Variants in PRND observed in about 807,000 individuals in gnomAD.
The protein encoded by PRND is prion like protein doppel.
For missense variants in PRND, 227 were observed against 223.3 expected, an observed-to-expected ratio of 1.02 and a Z score of -0.11; for synonymous variants, 94 against 93.2, an observed-to-expected ratio of 1.01 and a Z score of -0.05.
Position 4,724,483 on chromosome 20 carries a change from G to C in PRND, c.-11-58G>C. 6.3e-7 allele frequency: 1 copy of C among 1,597,436 alleles called. No homozygotes were observed. The highest frequency in any genetic ancestry group is 8.6e-7 in the Non-Finnish European group (1 of 1,166,608). On this transcript the variant is annotated intron_variant, in intron 1 of 1. Coordinates refer to ENST00000305817, the MANE Select transcript of PRND (RefSeq NM_012409.4). The surrounding 1 kb of genome is among the most constrained non-coding windows in gnomAD (Gnocchi z 4.8). ...TTAAAATCTCCTGCACTTGGGAGGG[G>C]GCAGGGGAGCCCAGGCAGGCCTGGT...
rs1004540729 is a variant in PRND, at chr20:4,726,447, G to A, written c.*1365G>A. ...TTTAAAAAATAAAGCTGTGTCTTTAGGGAGACCCAATAAAGAATGCAATCC... is the reference window on the plus strand; with the variant it reads ...TTTAAAAAATAAAGCTGTGTCTTTAAGGAGACCCAATAAAGAATGCAATCC... On this transcript the variant is annotated 3_prime_UTR_variant, in exon 2 of 2. Transcript: ENST00000305817. 1.2e-5 allele frequency: 2 copies of A among 166,982 alleles called. No homozygotes were observed. The highest frequency in any genetic ancestry group is 4.8e-5 in the African/African-American group (2 of 41,404). The allele number at this position is 166,982 out of a possible 1,614,324, so 10.3% of individuals were successfully genotyped here.
chr20:4,722,540 C>T (rs1456543295), intron 1 of PRND, among the ~76,000 whole-genome samples: 1 of 151,626 alleles, frequency 6.6e-6, no homozygotes, highest in Non-Finnish European at 1.5e-5. Context: ...CTAGAGATGA[C>T]TGGATGTGCT....
rs1008394250 is a variant in PRND, at chr20:4,721,974, G to A, written c.-12+5G>A. 7 of 152,298 alleles carry A rather than the reference G, an allele frequency of 4.6e-5. No homozygotes were observed. Among genetic ancestry groups the A allele is most frequent in the African/African-American group, 9.6e-5 (4 of 41,474 alleles). 9.4% of individuals were successfully genotyped at this position (152,298 alleles called of 1,614,324 possible). ...CACACTCCAGAGAGAGCCAAGGTACGTGGGGGGCCACTTCTGTGGTCAGGA... is the reference window on the plus strand; with the variant it reads ...CACACTCCAGAGAGAGCCAAGGTACATGGGGGGCCACTTCTGTGGTCAGGA... On this transcript the variant is annotated splice_donor_5th_base_variant and intron_variant, in intron 1 of 1. Coordinates refer to ENST00000305817, the MANE Select transcript of PRND (RefSeq NM_012409.4).
intron 1 of PRND, 68 bp downstream of exon 1, chr20:4,722,037 A>G (rs550111720): frequency 6.6e-6 from 1 of 152,320 alleles, no homozygotes; most frequent in East Asian, 1.9e-4. Context: ...CCAGATTGAA[A>G]ATCATGCAAT....
rs6076723 is a variant in PRND, at chr20:4,722,923, T to A, written c.-12+954T>A. On this transcript the variant is annotated intron_variant, in intron 1 of 1. Transcript: ENST00000305817. ...CCGAATGTGACAGGCAACCTTAAGGTGTGGGGTGAGGGGCTTTTCCATGAC... is the reference window on the plus strand; with the variant it reads ...CCGAATGTGACAGGCAACCTTAAGGAGTGGGGTGAGGGGCTTTTCCATGAC... Among the ~76,000 whole-genome samples the A allele has an allele frequency of 5.7e-3, 868 of 151,394 alleles. 6 individuals are homozygous for A. Among genetic ancestry groups the A allele is most frequent in the African/African-American group, 0.016 (649 of 41,322 alleles).
rs1361287877 is a variant in PRND at position 4,724,086 on chromosome 20, G to A, written c.-11-455G>A. ...TATACGTGTATATATACATATATAT[G>A]TGTATATATATACGTGTATACACAC... is the stretch of plus-strand genomic sequence containing the variant. On this transcript the variant is annotated intron_variant, in intron 1 of 1. Coordinates refer to ENST00000305817, the MANE Select transcript of PRND (RefSeq NM_012409.4). This position sits in a 1 kb window ranked among gnomAD's most constrained non-coding sequence, Gnocchi z 4.8. Among the ~76,000 whole-genome samples, 1 of 148,854 alleles carries A rather than the reference G, an allele frequency of 6.7e-6. No homozygotes were observed. The highest frequency in any genetic ancestry group is 1.5e-5 in the Non-Finnish European group (1 of 67,494).
chr20:4,724,452 C>A lies in PRND; in HGVS notation c.-11-89C>A. The A allele has an allele frequency of 1.3e-6, 2 of 1,502,314 alleles. No homozygotes were observed. The highest frequency in any genetic ancestry group is 9.2e-7 in the Non-Finnish European group (1 of 1,082,910). 93.1% of individuals were successfully genotyped at this position (1,502,314 alleles called of 1,614,324 possible). On this transcript the variant is annotated intron_variant, in intron 1 of 1. Coordinates refer to ENST00000305817, the MANE Select transcript of PRND (RefSeq NM_012409.4). This position sits in a 1 kb window ranked among gnomAD's most constrained non-coding sequence, Gnocchi z 4.8. ...ACATAAATAGCACAAGGATGCGATT[C>A]CTTCCTTAAAATCTCCTGCACTTGG... is the stretch of plus-strand genomic sequence containing the variant.
At chr20:4,723,009 C>T (rs1047162954) in intron 1 of PRND, among the ~76,000 whole-genome samples, 1 of 152,164 alleles carries the variant, frequency 6.6e-6, no homozygotes, top group Admixed American at 6.5e-5. Flanking sequence ...CCTGGTGTTC[C>T]CCCAGGCCCT....
At chr20:4,723,513 T>G (rs1215661851) in intron 1 of PRND, among the ~76,000 whole-genome samples, 9 of 152,180 alleles carry the variant, frequency 5.9e-5, no homozygotes, top group African/African-American at 1.4e-4. Flanking sequence ...GTTTCCATCT[T>G]TCCCTTCCTT....
chr20:4,724,477 G>A lies in PRND; in HGVS notation c.-11-64G>A. 1 of 1,582,316 alleles carries A rather than the reference G, an allele frequency of 6.3e-7. No homozygotes were observed. The highest frequency in any genetic ancestry group is 8.7e-7 in the Non-Finnish European group (1 of 1,153,076). On this transcript the variant is annotated intron_variant, in intron 1 of 1. Transcript: ENST00000305817. The surrounding 1 kb of genome is among the most constrained non-coding windows in gnomAD (Gnocchi z 4.8). Reference sequence around the variant, plus strand: ...CCTTCCTTAAAATCTCCTGCACTTGGGAGGGGGCAGGGGAGCCCAGGCAGG... The same window carrying A: ...CCTTCCTTAAAATCTCCTGCACTTGAGAGGGGGCAGGGGAGCCCAGGCAGG...
rs1209327293 is a variant in PRND at position 4,727,549 on chromosome 20, G to A, written c.*2467G>A. ...CCGTTGCTTTCGTAGCCCCTGCTAA[G>A]TGTTGACTTTTTAAAATATAAGTTT... On this transcript the variant is annotated 3_prime_UTR_variant, in exon 2 of 2. Coordinates refer to ENST00000305817, the MANE Select transcript of PRND (RefSeq NM_012409.4). 1.8e-5 allele frequency: 3 copies of A among 167,080 alleles called. No individual in the cohort carries two copies. Among genetic ancestry groups the A allele is most frequent in the Admixed American group, 1.3e-4 (2 of 15,282 alleles). 10.3% of individuals were successfully genotyped at this position (167,080 alleles called of 1,614,324 possible). A position where few individuals can be genotyped will look rare whatever the true frequency, so the allele number is the denominator to read the frequency against.
At chr20:4,722,705 T>C (rs925085277) in intron 1 of PRND, among the ~76,000 whole-genome samples, 1 of 152,116 alleles carries the variant, frequency 6.6e-6, no homozygotes, top group Admixed American at 6.5e-5. Flanking sequence ...ACAAGCTCCC[T>C]GTCAGCCTCC....
At position 4,724,875 on chromosome 20, in the gene PRND, C is replaced by T. The variant is rs1461567122; in HGVS notation, c.324C>T (p.Cys108=). Residue 108 remains cysteine, a synonymous_variant, in exon 2 of 2, where the codon TGC becomes TGT. Transcript: ENST00000305817. This position sits in a 1 kb window ranked among gnomAD's most constrained non-coding sequence, Gnocchi z 4.8. ...CCAAGGAGGCATTTGTCACCGGCTGCATCAATGCCACCCAGGCGGCGAACC... is the reference window on the plus strand; with the variant it reads ...CCAAGGAGGCATTTGTCACCGGCTGTATCAATGCCACCCAGGCGGCGAACC... ...NVTKEAFVTG[C]INATQAANQG... 11 of 1,614,220 alleles carry T rather than the reference C, an allele frequency of 6.8e-6. No homozygotes were observed. The highest frequency in any genetic ancestry group is 9.3e-6 in the Non-Finnish European group (11 of 1,180,042).
At position 4,724,837 on chromosome 20, in the gene PRND, G is replaced by T; in HGVS notation, c.286G>T (p.Glu96Ter). Residue 96 changes from glutamate to a stop codon, truncating the protein, a stop_gained, in exon 2 of 2, where the codon GAG becomes TAG. Transcript: ENST00000305817. LOFTEE classifies it low-confidence loss of function (END_TRUNC). This position sits in a 1 kb window ranked among gnomAD's most constrained non-coding sequence, Gnocchi z 4.8. ...PDGIHYNGCS[E>*]ANVTKEAFVT... is the part of the protein sequence containing the mutation. ...TGGCATCCACTACAACGGCTGCTCT[G>T]AGGCTAATGTGACCAAGGAGGCATT... 1 of 1,614,218 alleles carries T rather than the reference G, an allele frequency of 6.2e-7. No individual in the cohort carries two copies. The highest frequency in any genetic ancestry group is 1.1e-5 in the South Asian group (1 of 91,080).
rs1389034028 is a variant in PRND at position 4,724,744 on chromosome 20, A to G, written c.193A>G (p.Lys65Glu). Residue 65 changes from lysine to glutamate, a missense_variant, in exon 2 of 2, where the codon AAG (lysine) becomes GAG (glutamate). Physicochemically the swap from Lys to Glu is moderately conservative, Grantham distance 56 (BLOSUM62 1). Transcript: ENST00000305817. The surrounding 1 kb of genome is among the most constrained non-coding windows in gnomAD (Gnocchi z 4.8). ...GGGAGCCTTCATCAAGCAAGGCCGC[A>G]AGCTCGACATTGACTTCGGAGCCGA... ...RPGAFIKQGRKLDIDFGAEGN... is the reference protein window; with the variant it reads ...RPGAFIKQGRELDIDFGAEGN... The G allele has an allele frequency of 1.2e-6, 2 of 1,614,210 alleles. No individual in the cohort carries two copies. The highest frequency in any genetic ancestry group is 1.1e-5 in the South Asian group (1 of 91,082).
Position 4,724,950 on chromosome 20 carries a change from G to T in PRND, c.399G>T (p.Trp133Cys), listed in dbSNP as rs200577940. 1.1e-5 allele frequency: 17 copies of T among 1,614,114 alleles called. No homozygotes were observed. Among genetic ancestry groups the T allele is most frequent in the Non-Finnish European group, 1.4e-5 (17 of 1,180,032 alleles). ...PDNKLHQQVL[W>C]RLVQELCSLK... Reference sequence around the variant, plus strand: ...ACAAGCTCCACCAGCAGGTGCTCTGGCGGCTGGTCCAGGAGCTCTGCTCCC... The same window carrying T: ...ACAAGCTCCACCAGCAGGTGCTCTGTCGGCTGGTCCAGGAGCTCTGCTCCC... Residue 133 changes from tryptophan (W) to cysteine (C), a missense_variant, in exon 2 of 2, where the codon TGG becomes TGT. Physicochemically the swap from Trp to Cys is radical, Grantham distance 215. Transcript: ENST00000305817. This position sits in a 1 kb window ranked among gnomAD's most constrained non-coding sequence, Gnocchi z 4.8.
Position 4,726,124 on chromosome 20 carries a change from T to G in PRND, c.*1042T>G, listed in dbSNP as rs753600648. 33 of 145,692 alleles carry G rather than the reference T, an allele frequency of 2.3e-4. No homozygotes were observed. The highest frequency in any genetic ancestry group is 3.5e-4 in the Non-Finnish European group (23 of 66,568). 9.0% of individuals were successfully genotyped at this position (145,692 alleles called of 1,614,324 possible). A position where few individuals can be genotyped will look rare whatever the true frequency, so the allele number is the denominator to read the frequency against. On this transcript the variant is annotated 3_prime_UTR_variant, in exon 2 of 2. Coordinates refer to ENST00000305817, the MANE Select transcript of PRND (RefSeq NM_012409.4). ...ATCCACCCACCTGGGCCTCCCATAG[T>G]GCTGGGATTCAATTTTTTTTTTTTT...
Position 4,724,066 on chromosome 20 carries a change from GTGTA to G in PRND, c.-11-473_-11-470del, listed in dbSNP as rs1568542476. 4.0e-5 allele frequency among the ~76,000 whole-genome samples: 6 copies of G among 148,308 alleles called. No individual in the cohort carries two copies. The highest frequency in any genetic ancestry group is 8.9e-5 in the Non-Finnish European group (6 of 67,380). On this transcript the variant is annotated intron_variant, in intron 1 of 1. Transcript: ENST00000305817. This position sits in a 1 kb window ranked among gnomAD's most constrained non-coding sequence, Gnocchi z 4.8. ...TATGTATATATGTGTGTGTATATAC[GTGTA>G]TATATACATATATATGTGTATATAT...
intron 1 of PRND, among the ~76,000 whole-genome samples, chr20:4,722,341 C>T (rs1291999231): frequency 1.3e-5 from 2 of 151,360 alleles, no homozygotes; most frequent in Non-Finnish European, 2.9e-5. Context: ...GGAGTATGGC[C>T]CTATTTAGGA....
Sources: allele counts gnomAD v4.1 joint callset (sites outside exome capture counted in the v4.1 genomes callset), GRCh38; gene constraint gnomAD v4.1.1; non-coding constraint Gnocchi (gnomAD v3.1); transcripts MANE v1.5; gene names NCBI Gene and HGNC (gene_info 2026-07-23, HGNC 2026-07-21).